The following LCT variants were observed in gnomAD, a reference collection of about 807,000 sequenced individuals.
LCT encodes the protein lactase/phlorizin hydrolase.
LCT carries 90 observed loss-of-function variants against 173.0 expected under a neutral mutation model. That is an observed-to-expected ratio of 0.52 (90% CI 0.44 to 0.62). The LOEUF (loss-of-function observed/expected upper bound fraction) is 0.62, where lower values mean the gene tolerates loss of function less well. Among genes scored for constraint, LCT ranks in the 20% least tolerant of loss-of-function variants. The pLI is 0.00. For synonymous variants in LCT, 853 were observed against 957.6 expected (o/e 0.89, Z 2.02); for missense variants, 1,864 against 2,431.4 (o/e 0.77, Z 4.91).
rs767531935 is a variant in LCT, at chr2:135,798,111, T to C, written c.4894A>G (p.Ile1632Val). 1 of 1,611,018 alleles carries C rather than the reference T, an allele frequency of 6.2e-7. No individual in the cohort carries two copies. Among genetic ancestry groups the C allele is most frequent in the Non-Finnish European group, 8.5e-7 (1 of 1,177,294 alleles). ...QFMGGWFAHP[I>V]FKNGDYNEVM... The stretch of plus-strand genomic sequence containing the variant: ...TCATTGTAATCTCCATTCTTGAAAA[T>C]AGGATGTGCAAACCAGCCTCCCATG... The change falls in exon 13 of 17, where the codon ATT (isoleucine) becomes GTT (valine). Residue 1632 changes from isoleucine (I) to valine (V), a missense_variant. This residue lies in a region of LCT where 514 missense variants were observed against 750.1 expected (regional missense o/e 0.69). Transcript: ENST00000264162.
intron 12 of LCT, among the ~76,000 whole-genome samples, chr2:135,799,925 G>A (rs1366980274): frequency 6.6e-6 from 1 of 152,228 alleles, no homozygotes; most frequent in African/African-American, 2.4e-5. Context: ...ACACCTAAAG[G>A]TGACGTGTGA....
chr2:135,788,108 T>C lies in LCT; in HGVS notation c.*216A>G. On this transcript the variant is annotated 3_prime_UTR_variant, in exon 17 of 17. Transcript: ENST00000264162. ...CCGCAAGAGCTACTTGCTTCTCAAA[T>C]GCCCAAATGAACTCTGATACTGGAG... The C allele has an allele frequency of 1.7e-6, 1 of 586,994 alleles. No individual in the cohort carries two copies. Among genetic ancestry groups the C allele is most frequent in the South Asian group, 1.9e-5 (1 of 51,910 alleles). 36.4% of individuals were successfully genotyped at this position (586,994 alleles called of 1,614,324 possible).
chr2:135,794,968 A>AAT (rs2077569305), intron 13 of LCT, among the ~76,000 whole-genome samples, 193 bp from the exon 14 acceptor site: 1 of 151,910 alleles, frequency 6.6e-6, no homozygotes, highest in South Asian at 2.1e-4. Flanking sequence ...CCAGACCATA[A>AAT]ACCTGGCTTC....
chr2:135,811,861 T>A (rs1166570083), intron 7 of LCT, among the ~76,000 whole-genome samples: 1 of 151,206 alleles, frequency 6.6e-6, no homozygotes, highest in Non-Finnish European at 1.5e-5. Flanking sequence ...GTGAGAAGAC[T>A]GTTTGAGCCC....
At chr2:135,806,566 C>T (rs1385897061) in intron 9 of LCT, among the ~76,000 whole-genome samples, 2 of 152,162 alleles carry the variant, frequency 1.3e-5, no homozygotes, top group African/African-American at 2.4e-5. Context: ...CCCTGTCCAG[C>T]TTTTATGCCA....
chr2:135,788,401 A>G lies in LCT; in HGVS notation c.5707T>C (p.Tyr1903His). The change falls in exon 17 of 17, where the codon TAC becomes CAC. Residue 1903 changes from tyrosine to histidine, a missense_variant. By Grantham distance (83) the Tyr-to-His change is moderately conservative. This residue lies in a region of LCT where 514 missense variants were observed against 750.1 expected (regional missense o/e 0.69). Coordinates refer to ENST00000264162, the MANE Select transcript of LCT (RefSeq NM_002299.4). Reference sequence around the variant, plus strand: ...TGCTTAGAGCGCTTGCAGTACTTGTATGACAGAAATGCCAAGCCACAGACT... The same window carrying G: ...TGCTTAGAGCGCTTGCAGTACTTGTGTGACAGAAATGCCAAGCCACAGACT... ...LGVCGLAFLS[Y>H]KYCKRSKQGK... is the part of the protein sequence containing the mutation. 5 of 1,614,174 alleles carry G rather than the reference A, an allele frequency of 3.1e-6. No homozygotes were observed. The highest frequency in any genetic ancestry group is 2.2e-5 in the East Asian group (1 of 44,886).
intron 5 of LCT, among the ~76,000 whole-genome samples, chr2:135,818,331 C>G (rs1157835078): frequency 1.3e-5 from 2 of 152,198 alleles, no homozygotes; most frequent in African/African-American, 4.8e-5. Context: ...TGAATATTGT[C>G]TTCAGTGTTA....
Position 135,808,472 on chromosome 2 carries a change from T to A in LCT, c.3875A>T (p.His1292Leu). The change falls in exon 8 of 17, where the codon CAC (histidine) becomes CTC (leucine). Residue 1292 changes from histidine (H) to leucine (L), a missense_variant. Physicochemically the swap from His to Leu is moderately conservative, Grantham distance 99 (BLOSUM62 -3). Coordinates refer to ENST00000264162, the MANE Select transcript of LCT (RefSeq NM_002299.4). ...CAAAGCCTCATTGATGTAGGTTTTG[T>A]GGTAAAATATCCTATCAGTATCCTC... ...NTEDTDRIFYHKTYINEALKA... is the reference protein window; with the variant it reads ...NTEDTDRIFYLKTYINEALKA... 1 of 1,614,058 alleles carries A rather than the reference T, an allele frequency of 6.2e-7. No homozygotes were observed. Among genetic ancestry groups the A allele is most frequent in the Non-Finnish European group, 8.5e-7 (1 of 1,179,912 alleles).
chr2:135,792,694 G>A (rs2077542645), intron 14 of LCT, among the ~76,000 whole-genome samples: 1 of 152,144 alleles, frequency 6.6e-6, no homozygotes, highest in South Asian at 2.1e-4. Flanking sequence ...AACTCCACTG[G>A]CCTGAGAACC....
chr2:135,813,722 A>G (rs2077754418), intron 6 of LCT, among the ~76,000 whole-genome samples: 1 of 152,244 alleles, frequency 6.6e-6, no homozygotes, highest in Admixed American at 6.5e-5. Context: ...TCTGTCCTTA[A>G]TAAGTGCTTT....
Position 135,817,777 on chromosome 2 carries a change from G to T in LCT, c.1271C>A (p.Ala424Glu). The T allele has an allele frequency of 2.5e-6, 4 of 1,613,890 alleles. No individual in the cohort carries two copies. ...RRPLNTTEGQ[A>E]TLEVASDSYH... The stretch of plus-strand genomic sequence containing the variant: ...ACTGTCGCTGGCCACCTCCAGCGTC[G>T]CTTGGCCCTCAGTGGTGTTCAGGGG... Residue 424 changes from alanine to glutamate, a missense_variant, in exon 6 of 17, where the codon GCG becomes GAG. Coordinates refer to ENST00000264162, the MANE Select transcript of LCT (RefSeq NM_002299.4).
chr2:135,825,814 C>T (rs887636340), intron 3 of LCT, among the ~76,000 whole-genome samples: 4 of 152,152 alleles, frequency 2.6e-5, no homozygotes, highest in African/African-American at 4.8e-5. Flanking sequence ...GCCCTGCTTT[C>T]GCCCTCTTCC....
chr2:135,790,250 T>C lies in LCT; in HGVS notation c.5335+408A>G, dbSNP rs1437076881. On this transcript the variant is annotated intron_variant, in intron 15 of 16. Coordinates refer to ENST00000264162, the MANE Select transcript of LCT (RefSeq NM_002299.4). The surrounding 1 kb of genome is among the most constrained non-coding windows in gnomAD (Gnocchi z 4.1). ...CATTTGTTCCATTCTCTTATCCTCA[T>C]GGTCCCATCTCAAGTTGTTAGGGCT... Among the ~76,000 whole-genome samples, 1 of 152,238 alleles carries C rather than the reference T, an allele frequency of 6.6e-6. No homozygotes were observed. The highest frequency in any genetic ancestry group is 2.4e-5 in the African/African-American group (1 of 41,468).
chr2:135,801,464 C>T (rs2077627188), intron 11 of LCT, among the ~76,000 whole-genome samples: 1 of 152,010 alleles, frequency 6.6e-6, no homozygotes, highest in Admixed American at 6.5e-5. Context: ...CCCATAATCC[C>T]AGCACTTTGG....
At position 135,787,920 on chromosome 2, in the gene LCT, AGAT is replaced by A. The variant is rs1483849769; in HGVS notation, c.*401_*403del. 1.4e-5 allele frequency: 3 copies of A among 218,282 alleles called. No homozygotes were observed. The highest frequency in any genetic ancestry group is 5.2e-5 in the Admixed American group (1 of 19,122). 13.5% of individuals were successfully genotyped at this position (218,282 alleles called of 1,614,324 possible). On this transcript the variant is annotated 3_prime_UTR_variant, in exon 17 of 17. Transcript: ENST00000264162. ...TAGGGAGAGCTTGCAGAAGGGCAGGAGATGATATTGCAGTCTATGCAATGGAGT... is the reference window on the plus strand; with the variant it reads ...TAGGGAGAGCTTGCAGAAGGGCAGGAGATATTGCAGTCTATGCAATGGAGT...
chr2:135,826,581 T>C (rs2105551879), intron 3 of LCT, among the ~76,000 whole-genome samples: 1 of 151,620 alleles, frequency 6.6e-6, no homozygotes, highest in South Asian at 2.1e-4. Flanking sequence ...AAAAAAATGT[T>C]GTGATGGAAA....
At chr2:135,833,072 T>A (rs1377198285) in intron 2 of LCT, 39 bp downstream of exon 2, 1 of 1,442,132 alleles carries the variant, frequency 6.9e-7, no homozygotes, top group Non-Finnish European at 9.8e-7. Flanking sequence ...AATCAAACTC[T>A]CCTCAGATGT....
chr2:135,800,598 A>G lies in LCT; in HGVS notation c.4866+9T>C. 1 of 1,609,334 alleles carries G rather than the reference A, an allele frequency of 6.2e-7. No homozygotes were observed. Among genetic ancestry groups the G allele is most frequent in the Non-Finnish European group, 8.5e-7 (1 of 1,177,326 alleles). On this transcript the variant is annotated intron_variant, in intron 12 of 16. Coordinates refer to ENST00000264162, the MANE Select transcript of LCT (RefSeq NM_002299.4). ...AGAGTAAGAACAAGCGCCCAGAGGA[A>G]AAACAGACCTGAACATATCTCCTGG...
rs1248452444 is a variant in LCT, at chr2:135,812,892, G to T, written c.1772C>A (p.Pro591Gln). The T allele has an allele frequency of 6.2e-7, 1 of 1,614,218 alleles. No homozygotes were observed. Among genetic ancestry groups the T allele is most frequent in the Non-Finnish European group, 8.5e-7 (1 of 1,180,042 alleles). The change falls in exon 7 of 17, where the codon CCA becomes CAA. Residue 591 changes from proline (P) to glutamine (Q), a missense_variant. Pro to Gln is a moderately conservative substitution (Grantham distance 76). This residue lies in a region of LCT where 183 missense variants were observed against 293.1 expected (regional missense o/e 0.62). Transcript: ENST00000264162. ...AATGCCCACGTGCCCCTGCTGCTGT[G>T]GGCGATGATGGCTGTTGTAGTGGTG... is the stretch of plus-strand genomic sequence containing the variant. ...TWHHYNSHHR[P>Q]QQQGHVGIVL... is the part of the protein sequence containing the mutation.
Sources: allele counts gnomAD v4.1 joint callset (sites outside exome capture counted in the v4.1 genomes callset), GRCh38; gene constraint gnomAD v4.1.1; regional missense constraint gnomAD v4.1.1; non-coding constraint Gnocchi (gnomAD v3.1); transcripts MANE v1.5; gene names NCBI Gene and HGNC (gene_info 2026-07-23, HGNC 2026-07-21).